Variants in AK5 observed in about 807,000 individuals in gnomAD.
AK5 encodes adenylate kinase isoenzyme 5.
Under a neutral mutation model 69.5 loss-of-function variants are expected in AK5, and 27 were observed. That is an observed-to-expected ratio of 0.39 (90% CI 0.29 to 0.54). The LOEUF (loss-of-function observed/expected upper bound fraction) is 0.54, where lower values mean the gene tolerates loss of function less well. Among genes scored for constraint, AK5 ranks in the 20% least tolerant of loss-of-function variants. The pLI is 0.71. For synonymous variants in AK5, 260 were observed against 244.4 expected (o/e 1.06, Z -0.60); for missense variants, 531 against 700.4 (o/e 0.76, Z 2.73).
chr1:77,451,537 A>G (rs756043037), intron 8 of AK5, among the ~76,000 whole-genome samples: 1 of 152,244 alleles, frequency 6.6e-6, no homozygotes, highest in Non-Finnish European at 1.5e-5. Flanking sequence ...TAAATCTCTG[A>G]ATATTACTCT....
intron 5 of AK5, among the ~76,000 whole-genome samples, chr1:77,306,919 A>G (rs1285241695): frequency 6.6e-6 from 1 of 152,016 alleles, no homozygotes; most frequent in Admixed American, 6.6e-5. Flanking sequence ...GAATTTCTAC[A>G]GTATCAGTTG....
intron 6 of AK5, among the ~76,000 whole-genome samples, chr1:77,405,861 G>A (rs1649593912): frequency 6.6e-6 from 1 of 152,066 alleles, no homozygotes; most frequent in South Asian, 2.1e-4. Flanking sequence ...ATGAAGCTGG[G>A]GTGCAGCTCA....
chr1:77,367,567 A>AT lies in AK5; in HGVS notation c.891+27000dup, dbSNP rs1180933836. ...TCATTTATGTTATTTTTATATATAT[A>AT]TATATATATATAATATATATGTTAT... On this transcript the variant is annotated intron_variant, in intron 6 of 13. Transcript: ENST00000354567. Among the ~76,000 whole-genome samples, 8 of 8,760 alleles carry AT rather than the reference A, an allele frequency of 9.1e-4. 2 individuals carry two copies. The highest frequency in any genetic ancestry group is 2.3e-3 in the Non-Finnish European group (6 of 2,600). 5.7% of individuals were successfully genotyped at this position (8,760 alleles called of 152,430 possible). A position where few individuals can be genotyped will look rare whatever the true frequency, so the allele number is the denominator to read the frequency against.
chr1:77,556,571 G>A (rs1557672503), intron 13 of AK5, among the ~76,000 whole-genome samples: 1 of 152,098 alleles, frequency 6.6e-6, no homozygotes, highest in Non-Finnish European at 1.5e-5. Flanking sequence ...GTTGGGGAAC[G>A]ACAAACAGTG....
intron 13 of AK5, among the ~76,000 whole-genome samples, chr1:77,548,785 CAT>C (rs1267788982): frequency 6.6e-6 from 1 of 151,868 alleles, no homozygotes; most frequent in Non-Finnish European, 1.5e-5. Flanking sequence ...CTCATTTAGT[CAT>C]ATGTTCTGTT....
rs576869132 is a variant in AK5, at chr1:77,521,236, C to T, written c.1312-591C>T. Among the ~76,000 whole-genome samples the T allele has an allele frequency of 4.3e-3, 647 of 151,866 alleles. 2 individuals are homozygous for T. Among genetic ancestry groups the T allele is most frequent in the African/African-American group, 0.015 (630 of 41,396 alleles). On this transcript the variant is annotated intron_variant, in intron 11 of 13. Coordinates refer to ENST00000354567, the MANE Select transcript of AK5 (RefSeq NM_174858.3). ...GCAGTTTCCACCTCCCGAGTTCAAG[C>T]GATTCTCCTGCCTCAACCTCCTGAG...
chr1:77,410,847 A>C, intron 6 of AK5, 134 bp from the exon 7 acceptor site: 1 of 666,194 alleles, frequency 1.5e-6, no homozygotes, highest in East Asian at 2.7e-5. Flanking sequence ...GTCTGATTAA[A>C]GACTCAAATG....
intron 8 of AK5, among the ~76,000 whole-genome samples, chr1:77,459,389 A>G (rs1231876699): frequency 6.6e-6 from 1 of 152,002 alleles, no homozygotes; most frequent in Non-Finnish European, 1.5e-5. Flanking sequence ...GTCTTTGCCA[A>G]TTTATTTCTC....
intron 12 of AK5, among the ~76,000 whole-genome samples, chr1:77,528,539 C>G (rs1304368668): frequency 6.6e-6 from 1 of 152,216 alleles, no homozygotes; most frequent in Non-Finnish European, 1.5e-5. Flanking sequence ...CAAATGCAAA[C>G]TAATGTCCAC....
chr1:77,294,545 C>T (rs1658877412), intron 3 of AK5, among the ~76,000 whole-genome samples: 3 of 151,990 alleles, frequency 2.0e-5, no homozygotes, highest in Admixed American at 6.6e-5. Flanking sequence ...AATGAATCTT[C>T]TTTATGGCAA....
At chr1:77,472,604 C>T (rs968627217) in intron 8 of AK5, among the ~76,000 whole-genome samples, 6 of 144,038 alleles carry the variant, frequency 4.2e-5, no homozygotes, top group East Asian at 4.6e-4. Flanking sequence ...GAGGGAGGGC[C>T]GGGCACAGTG....
chr1:77,417,952 A>G (rs1039384990), intron 8 of AK5: 8 of 368,778 alleles, frequency 2.2e-5, no homozygotes, highest in African/African-American at 6.4e-5. Context: ...TTTATCATCA[A>G]ACGTTAACAT....
intron 8 of AK5, among the ~76,000 whole-genome samples, chr1:77,421,671 G>A (rs1160481242): frequency 6.6e-6 from 1 of 152,166 alleles, no homozygotes; most frequent in Non-Finnish European, 1.5e-5. Flanking sequence ...GGTTTGTTGA[G>A]CACCAAGCCA....
At chr1:77,386,281 A>T (rs1250625838) in intron 6 of AK5, among the ~76,000 whole-genome samples, 1 of 152,254 alleles carries the variant, frequency 6.6e-6, no homozygotes, top group Non-Finnish European at 1.5e-5. Flanking sequence ...TGGCAATATT[A>T]TAAGGCAACA....
chr1:77,335,215 C>T (rs1661285130), intron 5 of AK5, among the ~76,000 whole-genome samples: 2 of 152,050 alleles, frequency 1.3e-5, no homozygotes, highest in South Asian at 4.1e-4. Context: ...GTTCTTTTAA[C>T]AGAACAGTCA....
intron 5 of AK5, among the ~76,000 whole-genome samples, chr1:77,326,871 T>C (rs538857654): frequency 6.6e-6 from 1 of 152,210 alleles, no homozygotes; most frequent in African/African-American, 2.4e-5. Context: ...TTTTGAAGAT[T>C]AATTGCTATG....
At chr1:77,556,377 A>G (rs1570362789) in intron 13 of AK5, among the ~76,000 whole-genome samples, 1 of 152,218 alleles carries the variant, frequency 6.6e-6, no homozygotes, top group African/African-American at 2.4e-5. Flanking sequence ...TTTGAACCTT[A>G]TATAAACTGA....
intron 8 of AK5, among the ~76,000 whole-genome samples, chr1:77,440,687 CTT>C (rs1372962726): frequency 6.6e-6 from 1 of 151,192 alleles, no homozygotes; most frequent in Non-Finnish European, 1.5e-5. Flanking sequence ...CTTTTTCATT[CTT>C]TTTTTTTCTC....
At chr1:77,445,587 C>A (rs1352031020) in intron 8 of AK5, among the ~76,000 whole-genome samples, 1 of 151,990 alleles carries the variant, frequency 6.6e-6, no homozygotes, top group Non-Finnish European at 1.5e-5. Context: ...GTTAACCTTT[C>A]ATACTTTATT....
Sources: gnomAD v4.1 joint callset for allele counts (sites outside exome capture counted in the v4.1 genomes callset) on GRCh38, gnomAD v4.1.1 for gene constraint, MANE v1.5 for transcripts, NCBI Gene and HGNC (gene_info 2026-07-23, HGNC 2026-07-21) for gene names.